Variants in HECW1 observed in about 807,000 individuals in gnomAD.
HECW1 encodes the protein E3 ubiquitin-protein ligase HECW1.
HECW1 carries 61 observed loss-of-function variants against 182.3 expected under a neutral mutation model. The ratio of observed to expected loss-of-function variants is 0.33; its 90% CI spans 0.27 to 0.41. The LOEUF (loss-of-function observed/expected upper bound fraction) is 0.41. Among genes scored for constraint, HECW1 ranks in the 10% least tolerant of loss-of-function variants. The pLI, the probability that HECW1 is intolerant of heterozygous loss-of-function variation, is 1.00. For missense variants in HECW1, 1,739 were observed against 2,108.9 expected (o/e 0.82, Z 3.44); for synonymous variants, 859 against 832.6 (o/e 1.03, Z -0.55).
chr7:43,468,508 G>A (rs1318007954), intron 15 of HECW1, among the ~76,000 whole-genome samples: 3 of 151,936 alleles, frequency 2.0e-5, no homozygotes, highest in African/African-American at 7.3e-5. Context: ...AAGGGGGCAT[G>A]ATTCAATGCA....
Position 43,320,707 on chromosome 7 carries a change from T to G in HECW1, c.425T>G (p.Ile142Ser). The change falls in exon 5 of 30, where the codon ATC (isoleucine) becomes AGC (serine). Residue 142 changes from isoleucine (I) to serine (S), a missense_variant. Around this residue, in one of 5 missense-constraint regions of HECW1, gnomAD observed 279 missense variants for 353.1 expected, o/e 0.79. Transcript: ENST00000395891. ...GVNGSHRGQIIWKIDASSYFV... is the reference protein window; with the variant it reads ...GVNGSHRGQISWKIDASSYFV... ...AATGGTTCTCATCGGGGCCAGATCATCTGGAAGATCGATGCCAGCTCGTAC... is the reference window on the plus strand; with the variant it reads ...AATGGTTCTCATCGGGGCCAGATCAGCTGGAAGATCGATGCCAGCTCGTAC... 6.2e-7 allele frequency: 1 copy of G among 1,614,172 alleles called. No homozygotes were observed. The highest frequency in any genetic ancestry group is 8.5e-7 in the Non-Finnish European group (1 of 1,180,000).
intron 3 of HECW1, among the ~76,000 whole-genome samples, chr7:43,254,912 G>A (rs1442770036): frequency 2.0e-5 from 3 of 152,156 alleles, no homozygotes. Context: ...ACCCCCACTA[G>A]GGGCTGCCAT....
At chr7:43,502,560 G>T (rs1380885334) in intron 21 of HECW1, among the ~76,000 whole-genome samples, 5 of 152,186 alleles carry the variant, frequency 3.3e-5, no homozygotes, top group South Asian at 2.1e-4. Context: ...TATTCAGGAG[G>T]CTAAGGCGGG....
At chr7:43,558,384 C>A (rs2082099432) in intron 29 of HECW1, among the ~76,000 whole-genome samples, 1 of 152,172 alleles carries the variant, frequency 6.6e-6, no homozygotes, top group Non-Finnish European at 1.5e-5. Flanking sequence ...TGTTTCACTG[C>A]AGATGTAAAC....
At chr7:43,305,677 T>C (rs941229756) in intron 3 of HECW1, among the ~76,000 whole-genome samples, 2 of 151,890 alleles carry the variant, frequency 1.3e-5, no homozygotes, top group Non-Finnish European at 2.9e-5. Context: ...CTCGGCTCAC[T>C]GCAACCTCCA....
intron 13 of HECW1, among the ~76,000 whole-genome samples, chr7:43,458,064 A>G (rs962189909): frequency 3.1e-4 from 47 of 152,198 alleles, no homozygotes; most frequent in Admixed American, 2.7e-3. Flanking sequence ...TTTACTAGAC[A>G]TGAATGGACC....
rs1337599552 is a variant in HECW1 at position 43,492,101 on chromosome 7, A to T, written c.3261A>T (p.Gly1087=). ...GEASEVSRNR[G]ASLLARPGHS... is the part of the protein sequence containing the mutation. ...CCTCAGAAGTTTCTAGAAACAGAGG[A>T]GCCTCTTTACTGGCCAGGCCAGGAC... The change falls in exon 18 of 30, where the codon GGA becomes GGT. Residue 1087 remains glycine, a synonymous_variant. Coordinates refer to ENST00000395891, the MANE Select transcript of HECW1 (RefSeq NM_015052.5). 4 of 1,605,300 alleles carry T rather than the reference A, an allele frequency of 2.5e-6. No homozygotes were observed. The African/African-American group carries it at 5.4e-5, about 22-fold the overall frequency.
intron 7 of HECW1, among the ~76,000 whole-genome samples, chr7:43,405,958 G>A (rs894346488): frequency 5.3e-5 from 8 of 152,182 alleles, no homozygotes; most frequent in Non-Finnish European, 1.2e-4. Context: ...CATTGTGGAT[G>A]TGAATCTGCT....
intron 6 of HECW1, among the ~76,000 whole-genome samples, chr7:43,369,146 C>T (rs6975189): frequency 0.14 from 21,093 of 152,138 alleles, 1,584 homozygotes; most frequent in South Asian, 0.25. Context: ...ATATAAATGT[C>T]ACTCTTTGCT....
rs377625831 is a variant in HECW1 at position 43,444,195 on chromosome 7, C to G, written c.1046-23C>G. 16 of 1,578,864 alleles carry G rather than the reference C, an allele frequency of 1.0e-5. No individual in the cohort carries two copies. Among genetic ancestry groups the G allele is most frequent in the Non-Finnish European group, 1.4e-5 (16 of 1,160,134 alleles). The stretch of plus-strand genomic sequence containing the variant: ...CAATGCTCTCTTCTGGGAGAAATGA[C>G]ATATTTTTCTTCTTACCAGCAGATG... On this transcript the variant is annotated intron_variant, in intron 10 of 29. Coordinates refer to ENST00000395891, the MANE Select transcript of HECW1 (RefSeq NM_015052.5). This position sits in a 1 kb window ranked among gnomAD's most constrained non-coding sequence, Gnocchi z 4.3.
chr7:43,552,297 G>A lies in HECW1; in HGVS notation c.4471G>A (p.Asp1491Asn). The stretch of plus-strand genomic sequence containing the variant: ...GGTGATAGCTGGCACCGCGGAAATC[G>A]ACCTAAATGACTGGCGGAATAACAC... The part of the protein sequence containing the change: ...ELVIAGTAEI[D>N]LNDWRNNTEY... The change falls in exon 28 of 30, where the codon GAC (aspartate) becomes AAC (asparagine). Residue 1491 changes from aspartate to asparagine, a missense_variant. Coordinates refer to ENST00000395891, the MANE Select transcript of HECW1 (RefSeq NM_015052.5). 1.9e-6 allele frequency: 3 copies of A among 1,613,796 alleles called. No homozygotes were observed. Among genetic ancestry groups the A allele is most frequent in the Non-Finnish European group, 2.5e-6 (3 of 1,179,774 alleles).
rs2082224680 is a variant in HECW1, at chr7:43,562,115, G to A, written c.*189G>A. On this transcript the variant is annotated 3_prime_UTR_variant, in exon 30 of 30. Transcript: ENST00000395891. ...CCTTCTTCTAAGATCTAACCTTCAGGCTTCTCTCCTCTGTTTTCAATGAAC... is the reference window on the plus strand; with the variant it reads ...CCTTCTTCTAAGATCTAACCTTCAGACTTCTCTCCTCTGTTTTCAATGAAC... 7 of 559,002 alleles carry A rather than the reference G, an allele frequency of 1.3e-5. No homozygotes were observed. Among genetic ancestry groups the A allele is most frequent in the South Asian group, 2.1e-5 (1 of 46,560 alleles). 34.6% of individuals were successfully genotyped at this position (559,002 alleles called of 1,614,324 possible).
At chr7:43,170,924 G>A (rs1258544952) in intron 2 of HECW1, among the ~76,000 whole-genome samples, 1 of 152,184 alleles carries the variant, frequency 6.6e-6, no homozygotes, top group Non-Finnish European at 1.5e-5. Context: ...AAAAACGTTT[G>A]TGCAAAAGGT....
At chr7:43,194,675 G>T (rs979602313) in intron 2 of HECW1, among the ~76,000 whole-genome samples, 2 of 151,794 alleles carry the variant, frequency 1.3e-5, no homozygotes, top group African/African-American at 2.4e-5. Flanking sequence ...TTCAACAGAG[G>T]GGGAAGGAGA....
intron 8 of HECW1, among the ~76,000 whole-genome samples, chr7:43,422,271 T>C (rs916663735): frequency 2.6e-5 from 4 of 152,052 alleles, no homozygotes; most frequent in Non-Finnish European, 5.9e-5. Context: ...CCAGACAACT[T>C]AAAGAGTCAA....
At chr7:43,186,963 A>C (rs6463175) in intron 2 of HECW1, among the ~76,000 whole-genome samples, 131,414 of 152,258 alleles carry the variant, frequency 0.86, 57,167 homozygotes, top group African/African-American at 0.96. Context: ...AGTGACATGA[A>C]TGTATTGATG....
chr7:43,520,110 A>G lies in HECW1; in HGVS notation c.4019+10989A>G, dbSNP rs150854326. Among the ~76,000 whole-genome samples, 309 of 152,318 alleles carry G rather than the reference A, an allele frequency of 2.0e-3. 1 individual carries two copies. Among genetic ancestry groups the G allele is most frequent in the African/African-American group, 7.1e-3 (297 of 41,570 alleles). ...TTAGTGGTAAACAAATGTCTTAGAT[A>G]TGCATTCATCAATGCACTATTCTTA... On this transcript the variant is annotated intron_variant, in intron 24 of 29. Coordinates refer to ENST00000395891, the MANE Select transcript of HECW1 (RefSeq NM_015052.5).
At position 43,160,184 on chromosome 7, in the gene HECW1, CTGTT is replaced by C. The variant is rs531595934; in HGVS notation, c.-32+45797_-32+45800del. On this transcript the variant is annotated intron_variant, in intron 2 of 29. Transcript: ENST00000395891. ...GATCTTTGCCCATTTTTCTATGGGT[CTGTT>C]TGTCATTTGTTTTATAATTTAAGAT... Among the ~76,000 whole-genome samples the C allele has an allele frequency of 2.3e-3, 350 of 152,216 alleles. 4 individuals carry two copies. The highest frequency in any genetic ancestry group is 8.2e-3 in the African/African-American group (340 of 41,542).
intron 2 of HECW1, among the ~76,000 whole-genome samples, chr7:43,222,486 A>G (rs1216403083): frequency 6.6e-6 from 1 of 152,148 alleles, no homozygotes; most frequent in East Asian, 1.9e-4. Flanking sequence ...TTGACTCTGA[A>G]GAGGATTGAA....
Sources: gnomAD v4.1 joint callset for allele counts (sites outside exome capture counted in the v4.1 genomes callset) on GRCh38, gnomAD v4.1.1 for gene constraint, gnomAD v4.1.1 regional missense constraint, Gnocchi (gnomAD v3.1) non-coding constraint, MANE v1.5 for transcripts, NCBI Gene and HGNC (gene_info 2026-07-23, HGNC 2026-07-21) for gene names.